Variants in NRXN3 observed in about 807,000 individuals in gnomAD.
NRXN3 encodes neurexin 3.
A neutral mutation model predicts 137.6 loss-of-function variants in NRXN3; 32 were observed. The observed-to-expected ratio is 0.23, with a 90% confidence interval of 0.18 to 0.31. The LOEUF is 0.31. Among genes scored for constraint, NRXN3 ranks in the 10% least tolerant of loss-of-function variants. The probability of loss-of-function intolerance (pLI) is 1.00; values close to 1 mark genes in which losing one functional copy is unlikely to be tolerated. For missense variants in NRXN3, 1,574 were observed against 2,062.5 expected (o/e 0.76, Z 4.59); for synonymous variants, 798 against 784.5 (o/e 1.02, Z -0.29).
chr14:78,563,725 A>AGATGGGT (rs758831121), intron 4 of NRXN3, among the ~76,000 whole-genome samples: 58 of 152,198 alleles, frequency 3.8e-4, no homozygotes, highest in Non-Finnish European at 6.2e-4. Flanking sequence ...TAGGATTTTG[A>AGATGGGT]GATGGGTACA....
At chr14:78,669,701 T>G (rs1175525890) in intron 6 of NRXN3, among the ~76,000 whole-genome samples, 1 of 152,116 alleles carries the variant, frequency 6.6e-6, no homozygotes, top group African/African-American at 2.4e-5. Context: ...TTCCTGGAAC[T>G]GAGGATTCCT....
chr14:79,738,785 C>T lies in NRXN3; in HGVS notation c.4014+40848C>T, dbSNP rs554950720. ...TGTTGGTCAGGCTGATCTAGAACTC[C>T]TGACCCCAAGTGATCCATCTGCCTC... On this transcript the variant is annotated intron_variant, in intron 19 of 20. Transcript: ENST00000335750. Among the ~76,000 whole-genome samples, 9 of 152,258 alleles carry T rather than the reference C, an allele frequency of 5.9e-5. No homozygotes were observed. In the East Asian group the frequency reaches 9.7e-4, roughly 16 times the overall value.
At chr14:78,555,800 A>G (rs1395532787) in intron 4 of NRXN3, among the ~76,000 whole-genome samples, 1 of 152,252 alleles carries the variant, frequency 6.6e-6, no homozygotes, top group Admixed American at 6.5e-5. Flanking sequence ...TTTATTTCCA[A>G]CGTTGTGCCA....
chr14:79,122,127 G>A (rs1288148148), intron 15 of NRXN3, among the ~76,000 whole-genome samples: 2 of 152,110 alleles, frequency 1.3e-5, no homozygotes, highest in African/African-American at 2.4e-5. Context: ...TTTTGACCAC[G>A]AATAGCTGAC....
At chr14:78,942,918 C>CA (rs145524508) in intron 10 of NRXN3, among the ~76,000 whole-genome samples, 1 of 151,442 alleles carries the variant, frequency 6.6e-6, no homozygotes, top group Non-Finnish European at 1.5e-5. Flanking sequence ...GGAAAAGAAA[C>CA]AAAAAAATAA....
At position 78,618,455 on chromosome 14, in the gene NRXN3, A is replaced by G. The variant is rs115494796; in HGVS notation, c.758-26665A>G. On this transcript the variant is annotated intron_variant, in intron 4 of 20. Coordinates refer to ENST00000335750, the MANE Select transcript of NRXN3 (RefSeq NM_001330195.2). ...TGCTAAGGCAGTGAGCACAGAACAC[A>G]GGCCTGAAGTGTGCTGGAAGTTAGC... Among the ~76,000 whole-genome samples the G allele has an allele frequency of 5.3e-3, 805 of 152,316 alleles. 10 individuals carry two copies. Among genetic ancestry groups the G allele is most frequent in the African/African-American group, 0.018 (760 of 41,578 alleles).
chr14:79,283,554 C>T (rs2081648153), intron 15 of NRXN3, among the ~76,000 whole-genome samples: 1 of 152,096 alleles, frequency 6.6e-6, no homozygotes, highest in African/African-American at 2.4e-5. Flanking sequence ...TTGCTTAAAG[C>T]CTTTATCCCA....
intron 4 of NRXN3, among the ~76,000 whole-genome samples, chr14:78,546,539 C>G (rs560997851): frequency 1.0e-3 from 152 of 152,216 alleles, no homozygotes; most frequent in African/African-American, 3.6e-3. Context: ...AATTTCCAGT[C>G]TTCGTAGAGA....
At chr14:78,584,435 C>T (rs754180685) in intron 4 of NRXN3, among the ~76,000 whole-genome samples, 2 of 151,948 alleles carry the variant, frequency 1.3e-5, no homozygotes, top group Non-Finnish European at 2.9e-5. Flanking sequence ...TGATGATCCT[C>T]CAAGTATTTG....
chr14:79,317,502 C>A (rs1326110917), intron 15 of NRXN3, among the ~76,000 whole-genome samples: 1 of 152,188 alleles, frequency 6.6e-6, no homozygotes, highest in East Asian at 1.9e-4. Flanking sequence ...TCCAATATGA[C>A]CTTATCTTAG....
intron 15 of NRXN3, among the ~76,000 whole-genome samples, chr14:79,121,691 A>C (rs2055468710): frequency 6.6e-6 from 1 of 152,192 alleles, no homozygotes; most frequent in Non-Finnish European, 1.5e-5. Context: ...CTTCACAAGA[A>C]CTCATGAGAT....
intron 4 of NRXN3, among the ~76,000 whole-genome samples, chr14:78,542,972 A>C (rs1388950153): frequency 6.6e-6 from 1 of 152,148 alleles, no homozygotes; most frequent in Non-Finnish European, 1.5e-5. Flanking sequence ...GAGGATCATC[A>C]CATTGATTCC....
At chr14:79,785,320 C>T (rs951439978) in intron 19 of NRXN3, among the ~76,000 whole-genome samples, 1 of 152,204 alleles carries the variant, frequency 6.6e-6, no homozygotes, top group African/African-American at 2.4e-5. Flanking sequence ...TACACCTCCT[C>T]TCGGTCCTCT....
chr14:79,610,904 T>C (rs2098090241), intron 16 of NRXN3, among the ~76,000 whole-genome samples: 2 of 152,190 alleles, frequency 1.3e-5, no homozygotes, highest in African/African-American at 4.8e-5. Context: ...TAGCTGTCAA[T>C]GCCTGAAAAT....
chr14:79,197,523 CTCTTTT>C (rs2065295013), intron 15 of NRXN3, among the ~76,000 whole-genome samples: 1 of 151,304 alleles, frequency 6.6e-6, no homozygotes, highest in African/African-American at 2.4e-5. Flanking sequence ...GTTTTTTCTT[CTCTTTT>C]TCTTTTCTTA....
chr14:79,362,084 C>T (rs1454131796), intron 15 of NRXN3, among the ~76,000 whole-genome samples: 1 of 148,992 alleles, frequency 6.7e-6, no homozygotes, highest in African/African-American at 2.4e-5. Context: ...CTCAGCCTCC[C>T]GAGTAGCTGG....
At chr14:79,185,542 T>G (rs1041368806) in intron 15 of NRXN3, among the ~76,000 whole-genome samples, 2 of 151,410 alleles carry the variant, frequency 1.3e-5, no homozygotes, top group South Asian at 4.2e-4. Flanking sequence ...CTTGGCTCAC[T>G]GCAAGCTCCA....
At chr14:78,239,955 C>G (rs545783828) in intron 1 of NRXN3, among the ~76,000 whole-genome samples, 2 of 152,212 alleles carry the variant, frequency 1.3e-5, no homozygotes, top group Non-Finnish European at 2.9e-5. Flanking sequence ...CCACCCACCT[C>G]GGCCTCCCAA....
chr14:79,516,869 T>A (rs937405817), intron 16 of NRXN3, among the ~76,000 whole-genome samples: 1 of 152,206 alleles, frequency 6.6e-6, no homozygotes, highest in Non-Finnish European at 1.5e-5. Flanking sequence ...TCATATTTCA[T>A]TGAATGAACA....
Sources: allele counts gnomAD v4.1 joint callset (sites outside exome capture counted in the v4.1 genomes callset), GRCh38; gene constraint gnomAD v4.1.1; transcripts MANE v1.5; gene names NCBI Gene and HGNC (gene_info 2026-07-23, HGNC 2026-07-21).